LAMA5: variants seen among roughly 807,000 people sequenced by gnomAD.
LAMA5 encodes laminin subunit alpha 5, also known as laminin subunit alpha-5.
Under a neutral mutation model 433.4 loss-of-function variants are expected in LAMA5, and 260 were observed. The ratio of observed to expected loss-of-function variants is 0.60; its 90% CI spans 0.54 to 0.66. The LOEUF (loss-of-function observed/expected upper bound fraction) is 0.66, where lower values mean the gene tolerates loss of function less well. LAMA5 is among the 30% of genes least tolerant of loss of function. The probability of loss-of-function intolerance (pLI) is 0.00; values close to 1 mark genes in which losing one functional copy is unlikely to be tolerated. For missense variants in LAMA5, 5,378 were observed against 5,258.5 expected (o/e 1.02, Z -0.70); for synonymous variants, 2,620 against 2,226.6 (o/e 1.18, Z -4.97).
At position 62,324,906 on chromosome 20, in the gene LAMA5, A is replaced by G; in HGVS notation, c.5530-352T>C. 2.6e-6 allele frequency: 1 copy of G among 384,114 alleles called. No homozygotes were observed. The highest frequency in any genetic ancestry group is 3.2e-5 in the South Asian group (1 of 31,452). 23.8% of individuals were successfully genotyped at this position (384,114 alleles called of 1,614,324 possible). ...ACCACAAACCTCCTCATACAGAAGG[A>G]GCAAAGTTACAGCAGACAGACAGAT... is the stretch of plus-strand genomic sequence containing the variant. On this transcript the variant is annotated intron_variant, in intron 41 of 79. Coordinates refer to ENST00000252999, the MANE Select transcript of LAMA5 (RefSeq NM_005560.6). The surrounding 1 kb of genome is among the most constrained non-coding windows in gnomAD (Gnocchi z 4.4).
rs139401504 is a variant in LAMA5 at position 62,320,809 on chromosome 20, C to G, written c.6578G>C (p.Arg2193Pro). 1 of 1,612,656 alleles carries G rather than the reference C, an allele frequency of 6.2e-7. No individual in the cohort carries two copies. The highest frequency in any genetic ancestry group is 8.5e-7 in the Non-Finnish European group (1 of 1,179,894). Residue 2193 changes from arginine to proline, a missense_variant, in exon 49 of 80, where the codon CGT (arginine) becomes CCT (proline). Coordinates refer to ENST00000252999, the MANE Select transcript of LAMA5 (RefSeq NM_005560.6). The part of the protein sequence containing the change: ...ALLPAIHEQL[R>P]GINASSMAWA... The stretch of plus-strand genomic sequence containing the variant: ...GGCCATGGAGCTGGCATTGATGCCA[C>G]GCAGTTGCTCGTGAATGGCGGGGAG...
At chr20:62,363,254 G>A (rs714506) in intron 1 of LAMA5, among the ~76,000 whole-genome samples, 83,473 of 152,130 alleles carry the variant, frequency 0.55, 26,285 homozygotes, top group East Asian at 0.85. Flanking sequence ...TGTGGACAGC[G>A]GCAGGTGGGC....
rs200998631 is a variant in LAMA5, at chr20:62,314,874, G to A, written c.8121C>T (p.Asn2707=). 520 of 1,612,194 alleles carry A rather than the reference G, an allele frequency of 3.2e-4. 2 individuals are homozygous for A. In the South Asian group the frequency reaches 5.2e-3, roughly 16 times the overall value. The change falls in exon 60 of 80, where the codon AAC becomes AAT. Residue 2707 remains asparagine, a synonymous_variant. Coordinates refer to ENST00000252999, the MANE Select transcript of LAMA5 (RefSeq NM_005560.6). ...TGCTGGCGGACAGGGCCAGGCTGGCGTTGTGCACCCCACGGTTCTCCAGGA... is the reference window on the plus strand; with the variant it reads ...TGCTGGCGGACAGGGCCAGGCTGGCATTGTGCACCCCACGGTTCTCCAGGA... ...LSILENRGVH[N]ASLALSASIG...
chr20:62,319,835 C>CGAGGGTCGGGGTGGCAAGG (rs1568913684), intron 50 of LAMA5, 40 bp from the exon 51 acceptor site: 5 of 1,492,224 alleles, frequency 3.4e-6, no homozygotes. Flanking sequence ...TGCTGGTAGG[C>CGAGGGTCGGGGTGGCAAGG]GAGGGTCGGG....
chr20:62,324,207 G>C lies in LAMA5; in HGVS notation c.5644-3C>G, dbSNP rs377390907. 7.6e-6 allele frequency: 12 copies of C among 1,577,824 alleles called. No individual in the cohort carries two copies. Among genetic ancestry groups the C allele is most frequent in the East Asian group, 2.2e-5 (1 of 44,626 alleles). ...CCTTCGGTGTTGTGCTGGCAGTCCT[G>C]GGGCAGAGTGGACAGTCAGAGCTAT... On this transcript the variant is annotated splice_polypyrimidine_tract_variant and splice_region_variant and intron_variant, in intron 42 of 79. Transcript: ENST00000252999. This position sits in a 1 kb window ranked among gnomAD's most constrained non-coding sequence, Gnocchi z 4.4.
In LAMA5 at chr20:62,358,336, A is replaced by G. The variant is rs560469850; in HGVS notation, c.450+4064T>C. Among the ~76,000 whole-genome samples the G allele has an allele frequency of 5.2e-4, 79 of 152,248 alleles. 1 individual carries two copies. The South Asian group carries it at 0.016, about 31-fold the overall frequency. On this transcript the variant is annotated intron_variant, in intron 2 of 79. Transcript: ENST00000252999. Reference sequence around the variant, plus strand: ...TCCCAGGACCCCCGCCGTACCCCCCAGGGAGCCCTGCTCAAGTGGCTGCGT... The same window carrying G: ...TCCCAGGACCCCCGCCGTACCCCCCGGGGAGCCCTGCTCAAGTGGCTGCGT...
intron 2 of LAMA5, 119 bp from the exon 3 acceptor site, chr20:62,353,370 G>A (rs1007831514): frequency 3.3e-5 from 23 of 688,678 alleles, no homozygotes; most frequent in South Asian, 7.6e-5. Flanking sequence ...CACCCTCGCC[G>A]CACAGGGGGC....
Position 62,309,078 on chromosome 20 carries a change from ACTTT to A in LAMA5, c.*254_*257del. 1 of 608,480 alleles carries A rather than the reference ACTTT, an allele frequency of 1.6e-6. No homozygotes were observed. The highest frequency in any genetic ancestry group is 2.4e-5 in the South Asian group (1 of 41,838). 37.7% of individuals were successfully genotyped at this position (608,480 alleles called of 1,614,324 possible). A position where few individuals can be genotyped will look rare whatever the true frequency, so the allele number is the denominator to read the frequency against. On this transcript the variant is annotated 3_prime_UTR_variant, in exon 80 of 80. Transcript: ENST00000252999. ...ACATTCATTCGGTTACACAGAAGTT[ACTTT>A]TTAATTTTTAAGGAGGAACCAGTGA...
chr20:62,352,919 C>T (rs1431438902), intron 3 of LAMA5: 9 of 501,108 alleles, frequency 1.8e-5, no homozygotes, highest in Admixed American at 3.7e-5. Context: ...AGATTCCTGG[C>T]GCCACAGCCC....
Position 62,309,246 on chromosome 20 carries a change from TAG to T in LAMA5, c.*88_*89del. On this transcript the variant is annotated 3_prime_UTR_variant, in exon 80 of 80. Coordinates refer to ENST00000252999, the MANE Select transcript of LAMA5 (RefSeq NM_005560.6). The stretch of plus-strand genomic sequence containing the variant: ...AACAAGATCTGTCACCCGTAGAGCT[TAG>T]AGTCCAAATAGACACCTATGAGGCG... 7.7e-7 allele frequency: 1 copy of T among 1,292,380 alleles called. No individual in the cohort carries two copies. 80.1% of individuals were successfully genotyped at this position (1,292,380 alleles called of 1,614,324 possible). A position where few individuals can be genotyped will look rare whatever the true frequency, so the allele number is the denominator to read the frequency against.
intron 48 of LAMA5, 129 bp from the exon 49 acceptor site, chr20:62,321,019 A>G: frequency 9.8e-7 from 1 of 1,015,322 alleles, no homozygotes; most frequent in Non-Finnish European, 1.4e-6. Context: ...TTAGGGACAC[A>G]GGACCTGTGG....
At chr20:62,353,795 C>G (rs1048159951) in intron 2 of LAMA5, among the ~76,000 whole-genome samples, 1 of 152,000 alleles carries the variant, frequency 6.6e-6, no homozygotes, top group East Asian at 1.9e-4. Flanking sequence ...TCACACCGGG[C>G]ACCCCTCCCC....
At position 62,311,067 on chromosome 20, in the gene LAMA5, CG is replaced by C; in HGVS notation, c.10115del (p.Pro3372ArgfsTer14). ...NWPSLSMHVL[P>X]RSSRGLLLFT... The stretch of plus-strand genomic sequence containing the variant: ...AGAGGAGGAGGCCTCGGGAGCTTCG[CG>C]GGAGGACGTGCATGGAGAGACTGGG... On this transcript the variant is annotated frameshift_variant, in exon 74 of 80. Transcript: ENST00000252999. LOFTEE classifies it high-confidence loss of function. 6.3e-7 allele frequency: 1 copy of C among 1,594,322 alleles called. No homozygotes were observed. The highest frequency in any genetic ancestry group is 8.5e-7 in the Non-Finnish European group (1 of 1,170,460).
chr20:62,314,958 G>A lies in LAMA5; in HGVS notation c.8048-11C>T, dbSNP rs780653119. 1.3e-6 allele frequency: 2 copies of A among 1,589,838 alleles called. No homozygotes were observed. The highest frequency in any genetic ancestry group is 1.7e-6 in the Non-Finnish European group (2 of 1,172,126). Reference sequence around the variant, plus strand: ...TCTCCAGGGTGGACACTGCAGAGAGGGAGACCTGAGACCTTTGCCCCCCAC... The same window carrying A: ...TCTCCAGGGTGGACACTGCAGAGAGAGAGACCTGAGACCTTTGCCCCCCAC... On this transcript the variant is annotated splice_polypyrimidine_tract_variant and intron_variant, in intron 59 of 79. Transcript: ENST00000252999.
At chr20:62,334,960 T>A (rs1981296254) in intron 20 of LAMA5, 61 bp downstream of exon 20, 2 of 1,516,102 alleles carry the variant, frequency 1.3e-6, no homozygotes, top group Admixed American at 1.7e-5. Context: ...GGCCTTGGGT[T>A]CCCCAGCATA....
At position 62,362,510 on chromosome 20, in the gene LAMA5, C is replaced by A; in HGVS notation, c.340G>T (p.Ala114Ser). 6.2e-7 allele frequency: 1 copy of A among 1,602,812 alleles called. No individual in the cohort carries two copies. The highest frequency in any genetic ancestry group is 8.5e-7 in the Non-Finnish European group (1 of 1,173,946). Reference protein sequence around the residue: ...DICTAANSNKAHPASNAIDGT... With the variant: ...DICTAANSNKSHPASNAIDGT... ...TCGATGGCATTGCTCGCGGGGTGTG[C>A]CTTGTTGCTGTTGGCAGCCGTGCAG... is the stretch of plus-strand genomic sequence containing the variant. Residue 114 changes from alanine (A) to serine (S), a missense_variant, in exon 2 of 80, where the codon GCA becomes TCA. Coordinates refer to ENST00000252999, the MANE Select transcript of LAMA5 (RefSeq NM_005560.6).
rs1012403053 is a variant in LAMA5 at position 62,331,085 on chromosome 20, G to A, written c.3597C>T (p.Phe1199=). Residue 1199 remains phenylalanine, a synonymous_variant, in exon 29 of 80, where the codon TTC becomes TTT. Transcript: ENST00000252999. Reference sequence around the variant, plus strand: ...TGATGCAGCTGACCCGGGGCTCCACGAACTCCGGGCTGAACTCCTCAATGG... The same window carrying A: ...TGATGCAGCTGACCCGGGGCTCCACAAACTCCGGGCTGAACTCCTCAATGG... The part of the protein sequence containing the change: ...LVPIEEFSPE[F]VEPRVSCISS... The A allele has an allele frequency of 1.1e-5, 18 of 1,604,440 alleles. No individual in the cohort carries two copies. Among genetic ancestry groups the A allele is most frequent in the South Asian group, 3.3e-5 (3 of 90,042 alleles).
In LAMA5 at chr20:62,326,923, T is replaced by A; in HGVS notation, c.5156A>T (p.Glu1719Val). ...GACAAAGACATCTCCCCGCTGGGTCTCTGAGTGCAGTTCATAACGGAGGGT... is the reference window on the plus strand; with the variant it reads ...GACAAAGACATCTCCCCGCTGGGTCACTGAGTGCAGTTCATAACGGAGGGT... The part of the protein sequence containing the change: ...GGTLRYELHS[E>V]TQRGDVFVPM... The change falls in exon 39 of 80, where the codon GAG (glutamate) becomes GTG (valine). Residue 1719 changes from glutamate to valine, a missense_variant. Physicochemically the swap from Glu to Val is moderately radical, Grantham distance 121 (BLOSUM62 -2). Coordinates refer to ENST00000252999, the MANE Select transcript of LAMA5 (RefSeq NM_005560.6). The A allele has an allele frequency of 6.2e-7, 1 of 1,612,304 alleles. No individual in the cohort carries two copies. The highest frequency in any genetic ancestry group is 8.5e-7 in the Non-Finnish European group (1 of 1,179,452).
rs143531122 is a variant in LAMA5 at position 62,315,084 on chromosome 20, T to A, written c.7991A>T (p.Tyr2664Phe). 27 of 1,604,048 alleles carry A rather than the reference T, an allele frequency of 1.7e-5. No individual in the cohort carries two copies. In the African/African-American group the frequency reaches 3.3e-4, roughly 20 times the overall value. Reference protein sequence around the residue: ...QENVERWQGQYEGLRGQDLGQ... With the variant: ...QENVERWQGQFEGLRGQDLGQ... ...CAGGTCCTGGCCCCGCAGGCCCTCG[T>A]ACTGGCCCTGCCACCGCTCCACATT... The change falls in exon 59 of 80, where the codon TAC (tyrosine) becomes TTC (phenylalanine). Residue 2664 changes from tyrosine (Y) to phenylalanine (F), a missense_variant. By Grantham distance (22) the Tyr-to-Phe change is conservative (BLOSUM62 3). Coordinates refer to ENST00000252999, the MANE Select transcript of LAMA5 (RefSeq NM_005560.6).
Sources: allele counts gnomAD v4.1 joint callset (sites outside exome capture counted in the v4.1 genomes callset), GRCh38; gene constraint gnomAD v4.1.1; non-coding constraint Gnocchi (gnomAD v3.1); transcripts MANE v1.5; gene names NCBI Gene and HGNC (gene_info 2026-07-23, HGNC 2026-07-21).